FBXW10: variants seen among roughly 807,000 people sequenced by gnomAD.
The protein encoded by FBXW10 is F-box/WD repeat-containing protein 10.
A neutral mutation model predicts 113.1 loss-of-function variants in FBXW10; 68 were observed. The observed-to-expected ratio is 0.60, with a 90% CI of 0.49 to 0.74. FBXW10 has a LOEUF of 0.74. Among genes scored for constraint, FBXW10 ranks in the 30% least tolerant of loss-of-function variants. The pLI is 0.00. For missense variants in FBXW10, 753 were observed against 1,284.5 expected, an observed-to-expected ratio of 0.59 and a Z score of 6.32; for synonymous variants, 289 against 481.6, an observed-to-expected ratio of 0.60 and a Z score of 5.24.
chr17:18,764,663 C>T lies in FBXW10; in HGVS notation c.1434-79C>T. 7 of 1,527,100 alleles carry T rather than the reference C, an allele frequency of 4.6e-6. No individual in the cohort carries two copies. In the South Asian group the frequency reaches 6.0e-5, roughly 13 times the overall value. 94.6% of individuals were successfully genotyped at this position (1,527,100 alleles called of 1,614,324 possible). A position where few individuals can be genotyped will look rare whatever the true frequency, so the allele number is the denominator to read the frequency against. ...GAATCTGCTGCCTCCCAACTAACTA[C>T]TTATCTACATGGGTTCTACGCAGTA... On this transcript the variant is annotated intron_variant, in intron 7 of 13. Coordinates refer to ENST00000395665, the MANE Select transcript of FBXW10 (RefSeq NM_001267585.2).
At chr17:18,753,551 CCT>C (rs1234593169) in intron 5 of FBXW10, among the ~76,000 whole-genome samples, 6 of 152,142 alleles carry the variant, frequency 3.9e-5, no homozygotes, top group African/African-American at 1.4e-4. Flanking sequence ...GCCTTTCTCT[CCT>C]CTTTCTTTAA....
intron 11 of FBXW10, among the ~76,000 whole-genome samples, chr17:18,770,342 C>T (rs1190123475): frequency 3.4e-5 from 5 of 148,994 alleles, no homozygotes; most frequent in East Asian, 2.0e-4. Context: ...TTCACTCTGT[C>T]GCACAGGCTG....
At chr17:18,752,568 G>A (rs1223646920) in intron 5 of FBXW10, among the ~76,000 whole-genome samples, 2 of 151,994 alleles carry the variant, frequency 1.3e-5, no homozygotes, top group Non-Finnish European at 2.9e-5. Context: ...CAAAAAATTA[G>A]CCAGGCATGG....
chr17:18,751,685 C>T (rs776529830), intron 5 of FBXW10, among the ~76,000 whole-genome samples: 1 of 152,200 alleles, frequency 6.6e-6, no homozygotes, highest in Non-Finnish European at 1.5e-5. Flanking sequence ...AGGCCAGGAG[C>T]AACCCCATCA....
At position 18,750,979 on chromosome 17, in the gene FBXW10, A is replaced by T; in HGVS notation, c.1048A>T (p.Ile350Phe). The T allele has an allele frequency of 6.2e-7, 1 of 1,614,084 alleles. No homozygotes were observed. The highest frequency in any genetic ancestry group is 8.5e-7 in the Non-Finnish European group (1 of 1,180,018). Reference sequence around the variant, plus strand: ...TCCTAATTATGCCAATAAGGTTTCTATCCCAGTTCCTAAAATGGTAGATGA... The same window carrying T: ...TCCTAATTATGCCAATAAGGTTTCTTTCCCAGTTCCTAAAATGGTAGATGA... ...IDPNYANKVS[I>F]PVPKMVDDGK... The change falls in exon 5 of 14, where the codon ATC (isoleucine) becomes TTC (phenylalanine). Residue 350 changes from isoleucine (I) to phenylalanine (F), a missense_variant. By Grantham distance (21) the Ile-to-Phe change is conservative. Coordinates refer to ENST00000395665, the MANE Select transcript of FBXW10 (RefSeq NM_001267585.2).
At chr17:18,748,438 C>T (rs1257918637) in intron 2 of FBXW10, among the ~76,000 whole-genome samples, 1 of 139,550 alleles carries the variant, frequency 7.2e-6, no homozygotes, top group South Asian at 2.2e-4. Context: ...AAAAAGAAAG[C>T]CAATATGCAA....
rs2035252947 is a variant in FBXW10 at position 18,755,985 on chromosome 17, C to G, written c.1123-60C>G. ...CCTTACCAGGGAGACCCTAGGGGCT[C>G]TGGGACTGTGGGTATTTGAAGTTAC... On this transcript the variant is annotated intron_variant, in intron 5 of 13. Transcript: ENST00000395665. The G allele has an allele frequency of 1.8e-5, 27 of 1,526,212 alleles. No homozygotes were observed. The South Asian group carries it at 3.2e-4, about 18-fold the overall frequency. The allele number at this position is 1,526,212 out of a possible 1,614,324, so 94.5% of individuals were successfully genotyped here.
Position 18,769,966 on chromosome 17 carries a change from C to G in FBXW10, c.1887C>G (p.Ile629Met). 6.2e-7 allele frequency: 1 copy of G among 1,614,188 alleles called. No homozygotes were observed. Among genetic ancestry groups the G allele is most frequent in the Middle Eastern group, 1.6e-4 (1 of 6,062 alleles). Residue 629 changes from isoleucine (I) to methionine (M), a missense_variant, in exon 11 of 14, where the codon ATC becomes ATG. Ile to Met is a conservative substitution (Grantham distance 10). Coordinates refer to ENST00000395665, the MANE Select transcript of FBXW10 (RefSeq NM_001267585.2). ...TGTCCCTTCTCTTCCTCCGGGTCAT[C>G]AGCGCCTGTGCAGATGGCAAGATCC... is the stretch of plus-strand genomic sequence containing the variant. ...LDVSLLFLRVISACADGKIRI... is the reference protein window; with the variant it reads ...LDVSLLFLRVMSACADGKIRI...
At chr17:18,748,714 A>C (rs2035095902) in intron 2 of FBXW10, among the ~76,000 whole-genome samples, 1 of 152,192 alleles carries the variant, frequency 6.6e-6, no homozygotes, top group Non-Finnish European at 1.5e-5. Context: ...AAAGGAAACT[A>C]TCAATGATTT....
rs1027445540 is a variant in FBXW10 at position 18,748,881 on chromosome 17, C to T, written c.670+776C>T. 1.1e-4 allele frequency among the ~76,000 whole-genome samples: 16 copies of T among 152,168 alleles called. No individual in the cohort carries two copies. The East Asian group carries it at 2.9e-3, about 28-fold the overall frequency. On this transcript the variant is annotated intron_variant, in intron 2 of 13. Coordinates refer to ENST00000395665, the MANE Select transcript of FBXW10 (RefSeq NM_001267585.2). Reference sequence around the variant, plus strand: ...ACAAAATTAATGGGGAATTTGGTTCCCCACCTCAAGGCACTCCAAAGTTGG... The same window carrying T: ...ACAAAATTAATGGGGAATTTGGTTCTCCACCTCAAGGCACTCCAAAGTTGG...
rs985226926 is a variant in FBXW10 at position 18,751,530 on chromosome 17, C to T, written c.1122+477C>T. Among the ~76,000 whole-genome samples, 8 of 152,172 alleles carry T rather than the reference C, an allele frequency of 5.3e-5. No individual in the cohort carries two copies. The East Asian group carries it at 5.8e-4, about 11-fold the overall frequency. On this transcript the variant is annotated intron_variant, in intron 5 of 13. Transcript: ENST00000395665. Reference sequence around the variant, plus strand: ...CAGGCGTGAGCCACCGCGCTCAGCCCGACACTTCCTCTTCTTAAGCCTTGC... The same window carrying T: ...CAGGCGTGAGCCACCGCGCTCAGCCTGACACTTCCTCTTCTTAAGCCTTGC...
chr17:18,768,007 T>TTTCCTTCCTTCCTTTCTTCCTTCC (rs2035531091), intron 9 of FBXW10, among the ~76,000 whole-genome samples: 3 of 84,282 alleles, frequency 3.6e-5, no homozygotes, highest in African/African-American at 4.1e-5. Context: ...TATTTTTTCT[T>TTTCCTTCCTTCCTTTCTTCCTTCC]TTCCTTCCTT....
chr17:18,751,909 G>A (rs139854520), intron 5 of FBXW10, among the ~76,000 whole-genome samples: 60 of 152,252 alleles, frequency 3.9e-4, no homozygotes, highest in African/African-American at 1.2e-3. Context: ...AAGAGTGACC[G>A]GAAGACTCTT....
intron 1 of FBXW10, among the ~76,000 whole-genome samples, chr17:18,746,851 A>G (rs983265806): frequency 2.0e-5 from 3 of 151,136 alleles, no homozygotes; most frequent in Admixed American, 2.0e-4. Context: ...ACTTCATCCC[A>G]TTCACCATAG....
intron 5 of FBXW10, among the ~76,000 whole-genome samples, chr17:18,752,662 G>A (rs8077093): frequency 0.079 from 11,897 of 150,782 alleles, 530 homozygotes; most frequent in South Asian, 0.12. Flanking sequence ...GCAGTGAGCC[G>A]AGATTGCGCC....
chr17:18,764,956 G>A (rs201649436), intron 8 of FBXW10, 93 bp downstream of exon 8: 7 of 1,399,514 alleles, frequency 5.0e-6, no homozygotes, highest in Non-Finnish European at 6.9e-6. Context: ...TAGGCAGGCA[G>A]TCATTTATTC....
chr17:18,763,554 C>G (rs1460343851), intron 7 of FBXW10, among the ~76,000 whole-genome samples: 1 of 151,840 alleles, frequency 6.6e-6, no homozygotes, highest in African/African-American at 2.4e-5. Flanking sequence ...AAGTGATGGC[C>G]CTGGGAATGG....
intron 12 of FBXW10, among the ~76,000 whole-genome samples, chr17:18,774,776 CAA>C (rs2035673908): frequency 6.6e-6 from 1 of 152,198 alleles, no homozygotes; most frequent in African/African-American, 2.4e-5. Context: ...GTCTGGGCAA[CAA>C]GAGCGAAACT....
chr17:18,775,191 T>C lies in FBXW10; in HGVS notation c.2334T>C (p.Asp778=), dbSNP rs1042426099. ...SQGKSKSPRR[D]ADDVEKAQKQ... ...GAAAGTCAAAATCACCCCGAAGAGA[T>C]GGTAAGAAGAGAGTTTATTCTGTTC... Residue 778 remains aspartate (D), a splice_region_variant and synonymous_variant, in exon 13 of 14, where the codon GAT becomes GAC. Transcript: ENST00000395665. 22 of 1,600,890 alleles carry C rather than the reference T, an allele frequency of 1.4e-5. No individual in the cohort carries two copies. The highest frequency in any genetic ancestry group is 1.7e-5 in the Non-Finnish European group (20 of 1,167,970).
Sources: allele counts gnomAD v4.1 joint callset (sites outside exome capture counted in the v4.1 genomes callset), GRCh38; gene constraint gnomAD v4.1.1; transcripts MANE v1.5; gene names NCBI Gene and HGNC (gene_info 2026-07-23, HGNC 2026-07-21).